Variants in NBAS observed in about 807,000 individuals in gnomAD.
The protein encoded by NBAS is NAG/BC035112 fusion.
Under a neutral mutation model 302.5 loss-of-function variants are expected in NBAS, and 219 were observed. The ratio of observed to expected loss-of-function variants is 0.72; its 90% CI spans 0.65 to 0.81. NBAS has a LOEUF of 0.81. NBAS is among the 30% of genes least tolerant of loss of function. NBAS has a pLI of 0.00. For missense variants in NBAS, 2,932 were observed against 2,841.6 expected, an observed-to-expected ratio of 1.03 and a Z score of -0.72; for synonymous variants, 1,118 against 1,021.6, an observed-to-expected ratio of 1.09 and a Z score of -1.80.
chr2:15,467,836 T>C, intron 17 of NBAS, 32 bp from the exon 18 acceptor site: 1 of 1,525,830 alleles, frequency 6.6e-7, no homozygotes. Flanking sequence ...TATATTTTCA[T>C]CATTTTTAAA....
At chr2:15,491,632 A>C (rs1485402366) in intron 11 of NBAS, among the ~76,000 whole-genome samples, 1 of 152,082 alleles carries the variant, frequency 6.6e-6, no homozygotes, top group Non-Finnish European at 1.5e-5. Context: ...ACTACTTGGG[A>C]GGCTGAGGCA....
chr2:14,904,378 A>G, the NBAS span, among the ~76,000 whole-genome samples: 5 of 152,296 alleles, frequency 3.3e-5, no homozygotes, highest in Admixed American at 1.3e-4. Context: ...CAAACCACTG[A>G]TATAAGTCCA....
chr2:14,868,186 A>G, the NBAS span, among the ~76,000 whole-genome samples: 1 of 152,210 alleles, frequency 6.6e-6, no homozygotes, highest in Non-Finnish European at 1.5e-5. Flanking sequence ...AAAACTGGAA[A>G]CTAAATCCAG....
intron 22 of NBAS, among the ~76,000 whole-genome samples, chr2:15,425,739 C>A (rs1416575817): frequency 1.3e-5 from 2 of 152,162 alleles, no homozygotes; most frequent in Non-Finnish European, 2.9e-5. Flanking sequence ...GCATCTCTTA[C>A]ATCTGCTCTA....
chr2:15,249,558 G>T (rs1668266746), intron 44 of NBAS, among the ~76,000 whole-genome samples: 1 of 152,170 alleles, frequency 6.6e-6, no homozygotes, highest in African/African-American at 2.4e-5. Flanking sequence ...TGTATATTTA[G>T]AAAACCCCAT....
At chr2:15,441,177 G>A (rs1678377950) in intron 21 of NBAS, among the ~76,000 whole-genome samples, 1 of 152,170 alleles carries the variant, frequency 6.6e-6, no homozygotes, top group African/African-American at 2.4e-5. Flanking sequence ...TACTCATTGA[G>A]AAGAGCAACT....
At chr2:15,043,682 G>A in the NBAS span, among the ~76,000 whole-genome samples, 1 of 152,278 alleles carries the variant, frequency 6.6e-6, no homozygotes, top group Non-Finnish European at 1.5e-5. Flanking sequence ...ATCACACCAG[G>A]ATTTCTTTGC....
At chr2:15,305,403 T>C (rs1167841374) in intron 40 of NBAS, among the ~76,000 whole-genome samples, 2 of 151,786 alleles carry the variant, frequency 1.3e-5, no homozygotes, top group African/African-American at 4.8e-5. Context: ...TGCTGAACTG[T>C]GAGTCAATTA....
At chr2:15,223,859 T>TA (rs1223297635) in intron 47 of NBAS, among the ~76,000 whole-genome samples, 5 of 150,902 alleles carry the variant, frequency 3.3e-5, no homozygotes, top group South Asian at 4.2e-4. Flanking sequence ...ATAAAATAGA[T>TA]AAAAAAAGAA....
intron 10 of NBAS, among the ~76,000 whole-genome samples, chr2:15,508,357 GA>G (rs1321409188): frequency 6.6e-6 from 1 of 152,178 alleles, no homozygotes; most frequent in Non-Finnish European, 1.5e-5. Context: ...AGAATTCAAA[GA>G]AACTAAGGTG....
At chr2:15,427,655 A>G (rs952421442) in intron 22 of NBAS, 56 bp downstream of exon 22, 1 of 1,401,260 alleles carries the variant, frequency 7.1e-7, no homozygotes, top group African/African-American at 1.4e-5. Flanking sequence ...TCACAGGGCC[A>G]TCAGTTCACC....
chr2:15,202,969 A>T lies in NBAS; in HGVS notation c.6433-12566T>A, dbSNP rs577533206. On this transcript the variant is annotated intron_variant, in intron 48 of 51. Transcript: ENST00000281513. ...TCGCTGTAGTGTATCATTCAGACTC[A>T]GATTTGAATATTGGCCCTGTCACTT... 1.4e-4 allele frequency among the ~76,000 whole-genome samples: 21 copies of T among 152,332 alleles called. No individual in the cohort carries two copies. The East Asian group carries it at 2.5e-3, about 18-fold the overall frequency.
intron 10 of NBAS, among the ~76,000 whole-genome samples, chr2:15,510,174 A>G (rs558922092): frequency 6.6e-6 from 1 of 152,362 alleles, no homozygotes; most frequent in East Asian, 1.9e-4. Context: ...TACAGTTTAC[A>G]CAAATAACTA....
chr2:15,390,345 C>G (rs11694458), intron 28 of NBAS, among the ~76,000 whole-genome samples: 97,129 of 152,050 alleles, frequency 0.64, 31,750 homozygotes, highest in Middle Eastern at 0.7. Flanking sequence ...TGAAATAAAT[C>G]AGACATAGAA....
At chr2:14,910,994 G>A in the NBAS span, among the ~76,000 whole-genome samples, 1 of 152,160 alleles carries the variant, frequency 6.6e-6, no homozygotes, top group African/African-American at 2.4e-5. Context: ...TGACTTGGCT[G>A]GATTACAACT....
chr2:15,219,631 A>G (rs951645735), intron 47 of NBAS, among the ~76,000 whole-genome samples: 11 of 139,702 alleles, frequency 7.9e-5, no homozygotes, highest in Non-Finnish European at 1.5e-4. Context: ...CAGAGGGCAC[A>G]GGGTTGGGGA....
chr2:15,119,041 G>A, the NBAS span, among the ~76,000 whole-genome samples: 38 of 152,136 alleles, frequency 2.5e-4, no homozygotes, highest in Admixed American at 2.3e-3. Flanking sequence ...TGGCCTCAGG[G>A]GTGGGCGTCA....
At chr2:15,019,876 C>T in the NBAS span, among the ~76,000 whole-genome samples, 36 of 152,154 alleles carry the variant, frequency 2.4e-4, no homozygotes, top group African/African-American at 8.2e-4. Context: ...CACCTTGATC[C>T]AAGACTTCCA....
chr2:15,435,594 T>A (rs536814204), intron 21 of NBAS, among the ~76,000 whole-genome samples: 2 of 152,198 alleles, frequency 1.3e-5, no homozygotes. Context: ...CAGCTGGAAT[T>A]TGAACCCAGG....
Sources: gnomAD v4.1 joint callset for allele counts (sites outside exome capture counted in the v4.1 genomes callset) on GRCh38, gnomAD v4.1.1 for gene constraint, MANE v1.5 for transcripts, NCBI Gene and HGNC (gene_info 2026-07-23, HGNC 2026-07-21) for gene names.